KLF12: variants seen among roughly 807,000 people sequenced by gnomAD.
The protein encoded by KLF12 is Krueppel-like factor 12.
KLF12 carries 9 observed loss-of-function variants against 37.8 expected under a neutral mutation model. The observed-to-expected ratio is 0.24, with a 90% CI of 0.14 to 0.42. The LOEUF (loss-of-function observed/expected upper bound fraction) is 0.42. Ranked by LOEUF, KLF12 falls within the 10% of genes least tolerant of loss-of-function variation. KLF12 has a pLI of 1.00. For missense variants in KLF12, 411 were observed against 516.0 expected (o/e 0.80, Z 1.97); for synonymous variants, 208 against 202.1 (o/e 1.03, Z -0.25).
At chr13:74,053,286 A>C (rs150652370) in intron 1 of KLF12, among the ~76,000 whole-genome samples, 176 of 152,292 alleles carry the variant, frequency 1.2e-3, no homozygotes, top group African/African-American at 3.9e-3. Context: ...ATTTATACTA[A>C]ATATACATTC....
chr13:73,878,545 C>T (rs910158348), intron 3 of KLF12, among the ~76,000 whole-genome samples: 1 of 152,164 alleles, frequency 6.6e-6, no homozygotes, highest in African/African-American at 2.4e-5. Flanking sequence ...GCTCAGCATG[C>T]CTCTGCCTTG....
At chr13:73,702,911 G>C (rs17090353) in intron 7 of KLF12, among the ~76,000 whole-genome samples, 18,963 of 152,158 alleles carry the variant, frequency 0.12, 1,578 homozygotes, top group South Asian at 0.23. Context: ...ACCTAGAGGC[G>C]GGGAAAGAGC....
intron 6 of KLF12, among the ~76,000 whole-genome samples, chr13:73,738,112 T>TGTGTAC (rs1555299028): frequency 0.092 from 6,807 of 74,128 alleles, 488 homozygotes; most frequent in African/African-American, 0.15. Context: ...TATATATATA[T>TGTGTAC]ATATATATAT....
intron 1 of KLF12, among the ~76,000 whole-genome samples, chr13:74,024,093 C>T (rs1037469697): frequency 6.6e-6 from 1 of 152,084 alleles, no homozygotes; most frequent in African/African-American, 2.4e-5. Flanking sequence ...AGCAATGCCC[C>T]TAAAAATTCA....
At chr13:74,275,880 TC>T in the KLF12 span, among the ~76,000 whole-genome samples, 1 of 58,716 alleles carries the variant, frequency 1.7e-5, no homozygotes, top group African/African-American at 1.2e-4. Context: ...CTTTCTTTCT[TC>T]TTTCTTTCTT....
At chr13:73,722,340 T>C (rs1338366021) in intron 6 of KLF12, among the ~76,000 whole-genome samples, 1 of 152,184 alleles carries the variant, frequency 6.6e-6, no homozygotes, top group African/African-American at 2.4e-5. Context: ...CTGCATTTCT[T>C]TGTAGGCTTT....
intron 5 of KLF12, among the ~76,000 whole-genome samples, chr13:73,767,127 T>C (rs1435112781): frequency 6.6e-6 from 1 of 152,214 alleles, no homozygotes; most frequent in African/African-American, 2.4e-5. Context: ...AAGTAGACCA[T>C]AAGCCTTGCA....
At chr13:73,755,926 T>G (rs990638056) in intron 6 of KLF12, among the ~76,000 whole-genome samples, 1 of 152,180 alleles carries the variant, frequency 6.6e-6, no homozygotes, top group Non-Finnish European at 1.5e-5. Flanking sequence ...GCAAATGCTA[T>G]TGTTTCATTC....
chr13:73,991,574 G>C (rs930290748), intron 2 of KLF12, among the ~76,000 whole-genome samples: 2 of 152,196 alleles, frequency 1.3e-5, no homozygotes, highest in Non-Finnish European at 1.5e-5. Context: ...GGCAGGACAG[G>C]TGTTATTAGT....
chr13:74,302,668 AC>A, the KLF12 span, among the ~76,000 whole-genome samples: 2 of 152,052 alleles, frequency 1.3e-5, no homozygotes, highest in African/African-American at 2.4e-5. Flanking sequence ...TTTCCCTCCC[AC>A]TTTTCTCATC....
chr13:74,001,843 T>C lies in KLF12; in HGVS notation c.-31-6790A>G, dbSNP rs1892289141. ...ACAAATGGTACATGCTTAATTATGGTTGACATTTAAATGAAATTTGCATTC... is the reference window on the plus strand; with the variant it reads ...ACAAATGGTACATGCTTAATTATGGCTGACATTTAAATGAAATTTGCATTC... On this transcript the variant is annotated intron_variant, in intron 1 of 7. Transcript: ENST00000377669. Among the ~76,000 whole-genome samples, 4 of 152,200 alleles carry C rather than the reference T, an allele frequency of 2.6e-5. No homozygotes were observed. The South Asian group carries it at 8.3e-4, about 31-fold the overall frequency.
At chr13:74,290,850 C>G in the KLF12 span, among the ~76,000 whole-genome samples, 2 of 152,222 alleles carry the variant, frequency 1.3e-5, no homozygotes, top group Non-Finnish European at 2.9e-5. Context: ...TGGATGCTAG[C>G]TCCGTTTGCA....
chr13:73,775,045 G>A (rs1404273517), intron 5 of KLF12, among the ~76,000 whole-genome samples: 1 of 151,628 alleles, frequency 6.6e-6, no homozygotes, highest in African/African-American at 2.4e-5. Context: ...GGCCTCCTGA[G>A]TAGCTGGGAT....
chr13:74,174,421 T>C, the KLF12 span, among the ~76,000 whole-genome samples: 3 of 151,780 alleles, frequency 2.0e-5, no homozygotes, highest in Non-Finnish European at 4.4e-5. Context: ...TTTGTATTTT[T>C]AGTAGAGACG....
At chr13:74,137,846 C>G (rs190313362), upstream of KLF12, among the ~76,000 whole-genome samples, 1 of 152,160 alleles carries the variant, frequency 6.6e-6, no homozygotes, top group East Asian at 1.9e-4. Context: ...CTGCAACCTC[C>G]GCCTCCCGCG....
the KLF12 span, among the ~76,000 whole-genome samples, chr13:74,236,969 T>G: frequency 1.2e-3 from 110 of 88,074 alleles, 1 homozygote; most frequent in African/African-American, 2.7e-3. Context: ...GTCAATTTTG[T>G]CTTTTGTTGC....
chr13:73,928,206 C>T (rs374361572), intron 3 of KLF12, among the ~76,000 whole-genome samples: 10 of 152,210 alleles, frequency 6.6e-5, no homozygotes, highest in Admixed American at 6.5e-4. Context: ...TGTCCATCCA[C>T]AGTTTTTACT....
At chr13:73,862,729 T>C (rs1350513939) in intron 3 of KLF12, among the ~76,000 whole-genome samples, 1 of 152,150 alleles carries the variant, frequency 6.6e-6, no homozygotes, top group African/African-American at 2.4e-5. Context: ...AAACAACAAC[T>C]GTACGTTATT....
At position 74,060,319 on chromosome 13, in the gene KLF12, T is replaced by C. The variant is rs141835254; in HGVS notation, c.-31-65266A>G. ...AATAACTTTGGTATTTTCATAGAAATTGTGTCGAATCTGTAGATTACTTTG... is the reference window on the plus strand; with the variant it reads ...AATAACTTTGGTATTTTCATAGAAACTGTGTCGAATCTGTAGATTACTTTG... On this transcript the variant is annotated intron_variant, in intron 1 of 7. Coordinates refer to ENST00000377669, the MANE Select transcript of KLF12 (RefSeq NM_007249.5). Among the ~76,000 whole-genome samples, 13 of 152,322 alleles carry C rather than the reference T, an allele frequency of 8.5e-5. No homozygotes were observed. The East Asian group carries it at 2.3e-3, about 27-fold the overall frequency.
Sources: allele counts gnomAD v4.1 joint callset (sites outside exome capture counted in the v4.1 genomes callset), GRCh38; gene constraint gnomAD v4.1.1; transcripts MANE v1.5; gene names NCBI Gene and HGNC (gene_info 2026-07-23, HGNC 2026-07-21).